The following NRG2 variants were observed in gnomAD, a reference collection of about 807,000 sequenced individuals.
NRG2 encodes pro-neuregulin-2, membrane-bound isoform.
Under a neutral mutation model 73.9 loss-of-function variants are expected in NRG2, and 27 were observed. That is an observed-to-expected ratio of 0.37 (90% CI 0.27 to 0.50). NRG2 has a LOEUF of 0.50. Ranked by LOEUF, NRG2 falls within the 20% of genes least tolerant of loss-of-function variation. The pLI is 0.96. For missense variants in NRG2, 1,126 were observed against 1,210.1 expected, an observed-to-expected ratio of 0.93 and a Z score of 1.03; for synonymous variants, 532 against 541.0, an observed-to-expected ratio of 0.98 and a Z score of 0.23.
At chr5:139,995,501 T>C (rs1016207702) in intron 1 of NRG2, among the ~76,000 whole-genome samples, 1 of 151,994 alleles carries the variant, frequency 6.6e-6, no homozygotes, top group Non-Finnish European at 1.5e-5. Context: ...TTCCCACAAC[T>C]AGAAGGAAGA....
In NRG2 at chr5:140,042,848, G is replaced by A; in HGVS notation, c.222C>T (p.Arg74=). ...CGGCGGCTCTCCGGGCTGCGGGGCT[G>A]CGGGGCTGCGGCTGTTGCTGCGGCC... is the stretch of plus-strand genomic sequence containing the variant. The part of the protein sequence containing the change: ...EPRPQQQPQP[R]SPAARRAAAR... The change falls in exon 1 of 10, where the codon CGC becomes CGT. Residue 74 remains arginine, a synonymous_variant. Coordinates refer to ENST00000361474, the MANE Select transcript of NRG2 (RefSeq NM_004883.3). 6.7e-7 allele frequency: 1 copy of A among 1,494,886 alleles called. No homozygotes were observed. The highest frequency in any genetic ancestry group is 8.9e-7 in the Non-Finnish European group (1 of 1,125,866). 92.6% of individuals were successfully genotyped at this position (1,494,886 alleles called of 1,614,324 possible).
intron 1 of NRG2, among the ~76,000 whole-genome samples, chr5:139,975,136 A>C (rs1217486950): frequency 6.6e-6 from 1 of 152,018 alleles, no homozygotes; most frequent in Non-Finnish European, 1.5e-5. Flanking sequence ...ATGTCCCTGT[A>C]CCTCTCCATT....
intron 3 of NRG2, among the ~76,000 whole-genome samples, chr5:139,872,687 G>C (rs747639601): frequency 1.6e-4 from 25 of 152,286 alleles, no homozygotes; most frequent in African/African-American, 4.6e-4. Context: ...GGAGAGCAAG[G>C]CTGGGCCTTA....
At chr5:140,038,421 A>G (rs1343487424) in intron 1 of NRG2, among the ~76,000 whole-genome samples, 1 of 152,230 alleles carries the variant, frequency 6.6e-6, no homozygotes, top group Non-Finnish European at 1.5e-5. Context: ...CTCAAATCCC[A>G]TTAACACTAA....
intron 1 of NRG2, among the ~76,000 whole-genome samples, chr5:140,034,947 C>T (rs746524010): frequency 3.9e-5 from 6 of 152,234 alleles, no homozygotes; most frequent in Admixed American, 6.5e-5. Flanking sequence ...CTAGGCTGGA[C>T]GCAGTGGCTC....
intron 1 of NRG2, among the ~76,000 whole-genome samples, chr5:139,927,764 CAAAAAA>C (rs67854211): frequency 1.2e-5 from 1 of 82,550 alleles, no homozygotes; most frequent in South Asian, 4.1e-4. Flanking sequence ...AACCTTGTCT[CAAAAAA>C]AAAAAAAAAA....
chr5:140,031,806 A>C (rs1761178508), intron 1 of NRG2, among the ~76,000 whole-genome samples: 1 of 152,156 alleles, frequency 6.6e-6, no homozygotes, highest in Non-Finnish European at 1.5e-5. Flanking sequence ...CTCAGACTTA[A>C]GGATGCTGAG....
At chr5:139,963,057 C>T (rs1755203451) in intron 1 of NRG2, among the ~76,000 whole-genome samples, 1 of 152,208 alleles carries the variant, frequency 6.6e-6, no homozygotes, top group African/African-American at 2.4e-5. Flanking sequence ...TCTCTACTAG[C>T]CTAAGCCTCC....
intron 1 of NRG2, among the ~76,000 whole-genome samples, chr5:139,895,290 G>T (rs73271430): frequency 6.6e-6 from 1 of 152,250 alleles, no homozygotes; most frequent in Non-Finnish European, 1.5e-5. Context: ...AGTCACGCAG[G>T]TCCACGCCGC....
chr5:139,946,749 T>C (rs1239204422), intron 1 of NRG2, among the ~76,000 whole-genome samples: 2 of 152,140 alleles, frequency 1.3e-5, no homozygotes, highest in African/African-American at 2.4e-5. Context: ...CTATAATATA[T>C]ACAGAATGCT....
At chr5:139,929,896 T>C (rs1377905699) in intron 1 of NRG2, among the ~76,000 whole-genome samples, 1 of 152,160 alleles carries the variant, frequency 6.6e-6, no homozygotes, top group African/African-American at 2.4e-5. Flanking sequence ...TGACTTTACC[T>C]TGGAGAAAAA....
chr5:139,883,017 G>T (rs1763631881), intron 2 of NRG2, among the ~76,000 whole-genome samples: 1 of 152,090 alleles, frequency 6.6e-6, no homozygotes, highest in Admixed American at 6.5e-5. Context: ...TGCACACGGG[G>T]CTCTGGGTCC....
At chr5:140,007,263 A>G (rs1758982258) in intron 1 of NRG2, among the ~76,000 whole-genome samples, 1 of 152,132 alleles carries the variant, frequency 6.6e-6, no homozygotes, top group Non-Finnish European at 1.5e-5. Context: ...GCTCAAAGAT[A>G]CAGGAACCTC....
At chr5:139,905,577 G>A (rs887867535) in intron 1 of NRG2, among the ~76,000 whole-genome samples, 1 of 152,034 alleles carries the variant, frequency 6.6e-6, no homozygotes, top group African/African-American at 2.4e-5. Flanking sequence ...AGAACTTGAG[G>A]CCAAACTTGT....
chr5:139,939,285 T>C lies in NRG2; in HGVS notation c.701-51774A>G, dbSNP rs182651993. 9.3e-4 allele frequency among the ~76,000 whole-genome samples: 141 copies of C among 151,786 alleles called. No individual in the cohort carries two copies. The Middle Eastern group carries it at 0.02, about 22-fold the overall frequency. ...CTTTTTCTTTCTTTCTTTCTTTCCT[T>C]TCTTTTTTTAAATGGAGTCTTGCTC... On this transcript the variant is annotated intron_variant, in intron 1 of 9. Transcript: ENST00000361474.
intron 1 of NRG2, among the ~76,000 whole-genome samples, chr5:139,952,969 C>T (rs896348219): frequency 3.3e-5 from 5 of 152,082 alleles, no homozygotes; most frequent in Middle Eastern, 3.2e-3. Flanking sequence ...CCTCATTGTG[C>T]GGCCTAATCC....
intron 3 of NRG2, among the ~76,000 whole-genome samples, chr5:139,877,174 G>A (rs1448754448): frequency 1.3e-5 from 2 of 152,210 alleles, no homozygotes; most frequent in African/African-American, 4.8e-5. Context: ...GAAGTGGGTT[G>A]GACCAAGCTA....
At chr5:139,882,186 G>T (rs1178699797) in intron 2 of NRG2, among the ~76,000 whole-genome samples, 1 of 152,152 alleles carries the variant, frequency 6.6e-6, no homozygotes, top group Non-Finnish European at 1.5e-5. Flanking sequence ...CTGAGCCTAG[G>T]GGATGTAAAA....
chr5:140,017,868 G>C (rs1042829056), intron 1 of NRG2, among the ~76,000 whole-genome samples: 37 of 152,152 alleles, frequency 2.4e-4, no homozygotes, highest in African/African-American at 8.9e-4. Flanking sequence ...GTGCAGTAGA[G>C]AGAAGGAAAA....
Sources: allele counts gnomAD v4.1 joint callset (sites outside exome capture counted in the v4.1 genomes callset), GRCh38; gene constraint gnomAD v4.1.1; transcripts MANE v1.5; gene names NCBI Gene and HGNC (gene_info 2026-07-23, HGNC 2026-07-21).